The following RIMS2 variants were observed in gnomAD, a reference collection of about 807,000 sequenced individuals.
RIMS2 encodes the protein regulating synaptic membrane exocytosis 2.
In RIMS2, 59 loss-of-function variants were observed where a neutral mutation model predicts 174.4. The ratio of observed to expected loss-of-function variants is 0.34; its 90% confidence interval spans 0.27 to 0.42. The LOEUF (loss-of-function observed/expected upper bound fraction) is 0.42. Among genes scored for constraint, RIMS2 ranks in the 10% least tolerant of loss-of-function variants. RIMS2 has a pLI of 1.00. For missense variants in RIMS2, 1,620 were observed against 1,666.3 expected, an observed-to-expected ratio of 0.97 and a Z score of 0.48; for synonymous variants, 606 against 572.5, an observed-to-expected ratio of 1.06 and a Z score of -0.84.
intron 19 of RIMS2, among the ~76,000 whole-genome samples, chr8:104,101,741 TTACAAC>T (rs1453847974): frequency 8.5e-5 from 13 of 152,348 alleles, no homozygotes; most frequent in Middle Eastern, 6.8e-3. Context: ...TTCTATTTTA[TTACAAC>T]TACAAGTTAT....
chr8:103,639,330 A>G (rs1275734702), intron 1 of RIMS2, among the ~76,000 whole-genome samples: 2 of 152,068 alleles, frequency 1.3e-5, no homozygotes, highest in Non-Finnish European at 2.9e-5. Flanking sequence ...GTTTGCAAAC[A>G]TTAACATTTA....
intron 19 of RIMS2, among the ~76,000 whole-genome samples, chr8:104,218,840 C>T (rs367873084): frequency 2.0e-5 from 3 of 152,136 alleles, no homozygotes; most frequent in African/African-American, 7.2e-5. Flanking sequence ...CTGTGTGGCT[C>T]AGGGTAGGCT....
chr8:103,705,007 A>G (rs4734081), intron 2 of RIMS2, among the ~76,000 whole-genome samples: 57,052 of 151,070 alleles, frequency 0.38, 11,085 homozygotes, highest in African/African-American at 0.41. Flanking sequence ...GGCTTGATTT[A>G]TTCTTGCTTT....
At chr8:103,892,148 T>A (rs1447292054) in intron 4 of RIMS2, among the ~76,000 whole-genome samples, 2 of 151,944 alleles carry the variant, frequency 1.3e-5, no homozygotes, top group African/African-American at 2.4e-5. Flanking sequence ...GACTCAAAAA[T>A]TTTTAGGACA....
At chr8:103,929,743 T>C (rs892317210) in intron 11 of RIMS2, among the ~76,000 whole-genome samples, 3 of 152,004 alleles carry the variant, frequency 2.0e-5, no homozygotes, top group South Asian at 2.1e-4. Flanking sequence ...TTTTCACTTA[T>C]GTCTTTTGCC....
intron 3 of RIMS2, among the ~76,000 whole-genome samples, chr8:103,858,615 GTA>G (rs200726657): frequency 4.0e-5 from 6 of 149,374 alleles, no homozygotes; most frequent in African/African-American, 9.8e-5. Flanking sequence ...GTGTGTGTGT[GTA>G]TATATATATA....
intron 19 of RIMS2, among the ~76,000 whole-genome samples, chr8:104,217,660 G>A (rs1412783064): frequency 1.3e-5 from 2 of 152,126 alleles, no homozygotes; most frequent in Non-Finnish European, 2.9e-5. Flanking sequence ...CTTGAAACCT[G>A]CTGAGTAAAA....
intron 4 of RIMS2, among the ~76,000 whole-genome samples, chr8:103,889,016 T>C (rs1187241993): frequency 2.6e-5 from 4 of 151,682 alleles, no homozygotes; most frequent in Non-Finnish European, 5.9e-5. Flanking sequence ...TGAGGATAAA[T>C]TGTAGCTGTT....
intron 19 of RIMS2, among the ~76,000 whole-genome samples, chr8:104,024,974 A>G (rs1565905647): frequency 6.6e-6 from 1 of 152,182 alleles, no homozygotes; most frequent in Non-Finnish European, 1.5e-5. Context: ...TGAGGGCACT[A>G]TCCCAAGCTA....
rs192644765 is a variant in RIMS2 at position 104,079,734 on chromosome 8, T to C, written c.3334+65119T>C. 4.9e-4 allele frequency among the ~76,000 whole-genome samples: 74 copies of C among 150,190 alleles called. 1 individual carries two copies. Among genetic ancestry groups the C allele is most frequent in the African/African-American group, 1.7e-3 (70 of 41,134 alleles). On this transcript the variant is annotated intron_variant, in intron 19 of 23. Transcript: ENST00000504942. ...ATTACCACATAAAATACATATATTC[T>C]GTTTTATATGTGGAATATTTATGTC...
chr8:103,910,376 TA>T, intron 5 of RIMS2: 1 of 1,598,348 alleles, frequency 6.3e-7, no homozygotes, highest in Non-Finnish European at 8.5e-7. Context: ...TGTCGGACTC[TA>T]ACACCAGGTC....
intron 1 of RIMS2, among the ~76,000 whole-genome samples, chr8:103,609,539 T>C (rs1199361082): frequency 6.6e-6 from 1 of 152,198 alleles, no homozygotes; most frequent in African/African-American, 2.4e-5. Flanking sequence ...GGATATGGTA[T>C]AAAGAAGGGG....
chr8:104,145,730 G>T (rs937585281), intron 19 of RIMS2, among the ~76,000 whole-genome samples: 1 of 141,046 alleles, frequency 7.1e-6, no homozygotes, highest in Non-Finnish European at 1.5e-5. Flanking sequence ...GGACATGGTG[G>T]TGCATGCCTG....
intron 19 of RIMS2, among the ~76,000 whole-genome samples, chr8:104,183,425 G>A (rs142281123): frequency 1.1e-3 from 168 of 151,094 alleles, no homozygotes; most frequent in African/African-American, 3.9e-3. Context: ...TTGTAAAACC[G>A]GGAATATAAG....
intron 3 of RIMS2, among the ~76,000 whole-genome samples, chr8:103,854,836 G>A (rs796334770): frequency 6.6e-6 from 1 of 151,862 alleles, no homozygotes; most frequent in Non-Finnish European, 1.5e-5. Flanking sequence ...TTTTCTCGTG[G>A]TATATATGTC....
intron 19 of RIMS2, among the ~76,000 whole-genome samples, chr8:104,109,296 C>CA (rs1170353786): frequency 0.099 from 4,870 of 49,330 alleles, 218 homozygotes; most frequent in African/African-American, 0.12. Context: ...GACTCTGTCT[C>CA]AAAAAAAAAA....
intron 19 of RIMS2, among the ~76,000 whole-genome samples, chr8:104,125,802 G>A (rs938925231): frequency 3.9e-5 from 6 of 152,036 alleles, no homozygotes; most frequent in African/African-American, 1.4e-4. Flanking sequence ...CTTTCAAAAG[G>A]TCACACATAT....
chr8:103,884,350 A>G (rs2099187402), intron 3 of RIMS2, among the ~76,000 whole-genome samples: 1 of 151,878 alleles, frequency 6.6e-6, no homozygotes, highest in Non-Finnish European at 1.5e-5. Flanking sequence ...ATAGTTTTCT[A>G]AACCTTTTCT....
At chr8:103,790,146 A>C (rs1027403916) in intron 3 of RIMS2, among the ~76,000 whole-genome samples, 4 of 152,170 alleles carry the variant, frequency 2.6e-5, no homozygotes, top group African/African-American at 9.7e-5. Context: ...TTACAAATGT[A>C]CACCTAAGTG....
Sources: allele counts gnomAD v4.1 joint callset (sites outside exome capture counted in the v4.1 genomes callset), GRCh38; gene constraint gnomAD v4.1.1; transcripts MANE v1.5; gene names NCBI Gene and HGNC (gene_info 2026-07-23, HGNC 2026-07-21).